ZNF557: variants seen among roughly 807,000 people sequenced by gnomAD.
ZNF557 encodes the protein CTB-25J19.9.
In ZNF557, 19 loss-of-function variants were observed where a neutral mutation model predicts 21.2. The observed-to-expected ratio is 0.90, with a 90% CI of 0.63 to 1.32. The LOEUF (loss-of-function observed/expected upper bound fraction) is 1.32, where lower values mean the gene tolerates loss of function less well. Ranked by LOEUF, ZNF557 falls within the 40% of genes most tolerant of loss-of-function variation. The probability of loss-of-function intolerance (pLI) is 0.00; values close to 1 mark genes in which losing one functional copy is unlikely to be tolerated. For missense variants in ZNF557, 487 were observed against 519.8 expected, an observed-to-expected ratio of 0.94 and a Z score of 0.61; for synonymous variants, 207 against 194.8, an observed-to-expected ratio of 1.06 and a Z score of -0.52.
chr19:7,074,634 G>A (rs946215556), intron 2 of ZNF557, among the ~76,000 whole-genome samples: 11 of 150,830 alleles, frequency 7.3e-5, no homozygotes, highest in African/African-American at 2.7e-4. Context: ...TGGGGAGTGG[G>A]GAGGAGGAAA....
At chr19:7,070,109 C>T (rs1262098664) in intron 1 of ZNF557, among the ~76,000 whole-genome samples, 2 of 152,188 alleles carry the variant, frequency 1.3e-5, no homozygotes, top group East Asian at 1.9e-4. Context: ...GCGCGTAAAG[C>T]AGCCGCCGCC....
At chr19:7,081,908 C>A in intron 6 of ZNF557, 62 bp from the exon 7 acceptor site, 1 of 1,288,272 alleles carries the variant, frequency 7.8e-7, no homozygotes, top group Non-Finnish European at 1.1e-6. Flanking sequence ...TTTACTATTT[C>A]ACCATCAACT....
chr19:7,076,279 G>A, intron 4 of ZNF557, 102 bp from the exon 5 acceptor site: 1 of 1,611,348 alleles, frequency 6.2e-7, no homozygotes. Context: ...CACATCTCGT[G>A]CTCAGGTTTC....
At chr19:7,081,150 G>GGTGT (rs531191945) in intron 5 of ZNF557, among the ~76,000 whole-genome samples, 178 of 139,184 alleles carry the variant, frequency 1.3e-3, no homozygotes, top group African/African-American at 1.8e-3. Flanking sequence ...TTGCTTGTGG[G>GGTGT]GTGTGTGTGT....
chr19:7,073,762 TG>T (rs1014463117), intron 2 of ZNF557, among the ~76,000 whole-genome samples: 1 of 152,054 alleles, frequency 6.6e-6, no homozygotes, highest in Admixed American at 6.6e-5. Context: ...ATTGGGGGTA[TG>T]GGGGTCACCC....
chr19:7,076,667 C>T (rs1036192558), intron 5 of ZNF557, among the ~76,000 whole-genome samples, 160 bp downstream of exon 5: 1 of 152,074 alleles, frequency 6.6e-6, no homozygotes, highest in Non-Finnish European at 1.5e-5. Flanking sequence ...TGTAGTACAG[C>T]CATCACCACT....
At chr19:7,070,051 T>G (rs982282209) in intron 1 of ZNF557, among the ~76,000 whole-genome samples, 1 of 152,100 alleles carries the variant, frequency 6.6e-6, no homozygotes, top group African/African-American at 2.4e-5. Flanking sequence ...GCTACTACTG[T>G]AATCTAGAGG....
At chr19:7,076,118 T>C (rs1166163750) in intron 4 of ZNF557, among the ~76,000 whole-genome samples, 1 of 152,176 alleles carries the variant, frequency 6.6e-6, no homozygotes, top group Non-Finnish European at 1.5e-5. Context: ...AATAAGATCA[T>C]AGGAGCTCCC....
rs374264311 is a variant in ZNF557 at position 7,075,038 on chromosome 19, T to C, written c.-37T>C. ...GCTGCGGGATAAAGGAGGAGCGTCC[T>C]GCTTCCCGGCTGCCCTGTTGCTGTC... On this transcript the variant is annotated 5_prime_UTR_variant, in exon 3 of 8. Coordinates refer to ENST00000252840, the MANE Select transcript of ZNF557 (RefSeq NM_024341.3). 224 of 1,613,950 alleles carry C rather than the reference T, an allele frequency of 1.4e-4. No individual in the cohort carries two copies. The highest frequency in any genetic ancestry group is 1.8e-4 in the Non-Finnish European group (213 of 1,179,994).
intron 5 of ZNF557, among the ~76,000 whole-genome samples, chr19:7,080,374 GTT>G (rs1193923178): frequency 6.6e-6 from 1 of 152,118 alleles, no homozygotes; most frequent in African/African-American, 2.4e-5. Context: ...CTCCTCCCAG[GTT>G]TTTTGGTTAG....
chr19:7,083,987 A>T lies in ZNF557; in HGVS notation c.*243A>T. 2.3e-6 allele frequency: 1 copy of T among 443,932 alleles called. No individual in the cohort carries two copies. The highest frequency in any genetic ancestry group is 4.0e-6 in the Non-Finnish European group (1 of 248,500). 27.5% of individuals were successfully genotyped at this position (443,932 alleles called of 1,614,324 possible). A position where few individuals can be genotyped will look rare whatever the true frequency, so the allele number is the denominator to read the frequency against. On this transcript the variant is annotated 3_prime_UTR_variant, in exon 8 of 8. Coordinates refer to ENST00000252840, the MANE Select transcript of ZNF557 (RefSeq NM_024341.3). ...ACAGTCCAGATGTCAGCAGAACTGT[A>T]ATCATCCAGAATTGTTACTGGTGAA...
chr19:7,079,528 C>T (rs1040304569), intron 5 of ZNF557, among the ~76,000 whole-genome samples: 1 of 152,130 alleles, frequency 6.6e-6, no homozygotes, highest in Non-Finnish European at 1.5e-5. Flanking sequence ...CCATGAGCCA[C>T]CGCGCCCGGC....
intron 5 of ZNF557, among the ~76,000 whole-genome samples, chr19:7,079,449 C>G (rs950210199): frequency 1.3e-5 from 2 of 151,244 alleles, no homozygotes; most frequent in Admixed American, 6.6e-5. Context: ...ACCGTGTTAG[C>G]CAGGATGATC....
intron 5 of ZNF557, among the ~76,000 whole-genome samples, chr19:7,079,841 A>G (rs1977664958): frequency 6.6e-6 from 1 of 152,154 alleles, no homozygotes; most frequent in Admixed American, 6.6e-5. Context: ...TCTGAATTAC[A>G]TGTTGGAGCA....
rs1429971420 is a variant in ZNF557, at chr19:7,069,745, T to C, written c.-200T>C. ...GCGCTTGCAGCGTCTGGGAGAATCT[T>C]TCGGTCTCCGCGAGAGGTGCTTCAT... is the stretch of plus-strand genomic sequence containing the variant. On this transcript the variant is annotated 5_prime_UTR_variant, in exon 1 of 8. Transcript: ENST00000252840. 6 of 152,258 alleles carry C rather than the reference T, an allele frequency of 3.9e-5. No homozygotes were observed. The East Asian group carries it at 1.2e-3, about 29-fold the overall frequency. 9.4% of individuals were successfully genotyped at this position (152,258 alleles called of 1,614,324 possible). A position where few individuals can be genotyped will look rare whatever the true frequency, so the allele number is the denominator to read the frequency against.
Position 7,083,466 on chromosome 19 carries a change from A to G in ZNF557, c.1015A>G (p.Ile339Val), listed in dbSNP as rs753367803. ...GAGGAGGTCGAATCTGACACAGCACATAAGAACTCATACTGGAGAAAAACC... is the reference window on the plus strand; with the variant it reads ...GAGGAGGTCGAATCTGACACAGCACGTAAGAACTCATACTGGAGAAAAACC... The part of the protein sequence containing the change: ...FRRRSNLTQH[I>V]RTHTGEKPYT... The change falls in exon 8 of 8, where the codon ATA becomes GTA. Residue 339 changes from isoleucine (I) to valine (V), a missense_variant. Physicochemically the swap from Ile to Val is conservative, Grantham distance 29. Transcript: ENST00000252840. 3 of 1,614,114 alleles carry G rather than the reference A, an allele frequency of 1.9e-6. No individual in the cohort carries two copies. The highest frequency in any genetic ancestry group is 2.5e-6 in the Non-Finnish European group (3 of 1,180,060).
chr19:7,073,888 G>A (rs926235042), intron 2 of ZNF557, among the ~76,000 whole-genome samples: 6 of 151,960 alleles, frequency 3.9e-5, no homozygotes, highest in African/African-American at 9.7e-5. Context: ...AGCCAGCACC[G>A]TCCACCCTCT....
intron 3 of ZNF557, among the ~76,000 whole-genome samples, 186 bp downstream of exon 3, chr19:7,075,291 T>C (rs1205471696): frequency 2.6e-5 from 4 of 152,166 alleles, no homozygotes; most frequent in Admixed American, 2.6e-4. Context: ...TGTCTGTGGA[T>C]GTCACCTGTG....
At chr19:7,071,530 AGAACG>A (rs1481171770) in intron 2 of ZNF557, among the ~76,000 whole-genome samples, 1 of 152,222 alleles carries the variant, frequency 6.6e-6, no homozygotes, top group Non-Finnish European at 1.5e-5. Flanking sequence ...CAATGAAGCC[AGAACG>A]GCTATTGTAA....
Sources: gnomAD v4.1 joint callset for allele counts (sites outside exome capture counted in the v4.1 genomes callset) on GRCh38, gnomAD v4.1.1 for gene constraint, MANE v1.5 for transcripts, NCBI Gene and HGNC (gene_info 2026-07-23, HGNC 2026-07-21) for gene names.